DNAH14: variants seen among roughly 807,000 people sequenced by gnomAD.
DNAH14 encodes dynein axonemal heavy chain 14, also known as axonemal beta dynein heavy chain 14.
DNAH14 carries 478 observed loss-of-function variants against 520.9 expected under a neutral mutation model. The ratio of observed to expected loss-of-function variants is 0.92; its 90% CI spans 0.85 to 0.99. DNAH14 has a LOEUF of 0.99. DNAH14 is among the 50% of genes least tolerant of loss of function. The probability of loss-of-function intolerance (pLI) is 0.00; values close to 1 mark genes in which losing one functional copy is unlikely to be tolerated. For synonymous variants in DNAH14, 1,581 were observed against 1,757.2 expected (o/e 0.90, Z 2.51); for missense variants, 4,831 against 5,234.5 (o/e 0.92, Z 2.38).
intron 76 of DNAH14, among the ~76,000 whole-genome samples, chr1:225,366,013 C>G (rs528089317): frequency 5.3e-5 from 8 of 152,198 alleles, no homozygotes; most frequent in African/African-American, 1.9e-4. Flanking sequence ...AGAGCACCTA[C>G]ACATAAGTCA....
At chr1:225,358,845 A>G (rs2095461348) in intron 74 of DNAH14, among the ~76,000 whole-genome samples, 193 bp downstream of exon 74, 2 of 152,082 alleles carry the variant, frequency 1.3e-5, no homozygotes, top group Non-Finnish European at 1.5e-5. Context: ...AGATCTGATG[A>G]TTTTATAAGC....
chr1:225,308,667 A>G (rs1014238482), intron 60 of DNAH14, among the ~76,000 whole-genome samples: 8 of 152,236 alleles, frequency 5.3e-5, no homozygotes, highest in Non-Finnish European at 1.2e-4. Flanking sequence ...TCTGATTACA[A>G]TGAACAGAAA....
intron 46 of DNAH14, 84 bp from the exon 47 acceptor site, chr1:225,264,113 T>G: frequency 8.6e-7 from 1 of 1,158,678 alleles, no homozygotes; most frequent in South Asian, 1.5e-5. Context: ...AAATTCACAA[T>G]ATGCTGTTAC....
At chr1:224,983,062 C>G (rs1320265285) in intron 8 of DNAH14, among the ~76,000 whole-genome samples, 3 of 152,076 alleles carry the variant, frequency 2.0e-5, no homozygotes, top group African/African-American at 7.2e-5. Flanking sequence ...TTGAAGTCCC[C>G]CACTATTATT....
Position 225,015,536 on chromosome 1 carries a change from C to T in DNAH14, c.1107+7992C>T, listed in dbSNP as rs555550501. On this transcript the variant is annotated intron_variant, in intron 10 of 85. Transcript: ENST00000682510. ...TTTTCACTTCCAGCTTTAAGACTCT[C>T]CTGAGTATTTCTTGTAAGTCCATTC... 7.9e-5 allele frequency among the ~76,000 whole-genome samples: 12 copies of T among 152,206 alleles called. No individual in the cohort carries two copies. In the South Asian group the frequency reaches 1.5e-3, roughly 18 times the overall value.
At chr1:225,382,952 C>T (rs1429866121) in intron 81 of DNAH14, among the ~76,000 whole-genome samples, 2 of 152,118 alleles carry the variant, frequency 1.3e-5, no homozygotes, top group Non-Finnish European at 2.9e-5. Context: ...GGAAGGCCAT[C>T]ACAAAAGACC....
At chr1:224,999,493 C>T (rs1224142670) in intron 8 of DNAH14, among the ~76,000 whole-genome samples, 1 of 152,156 alleles carries the variant, frequency 6.6e-6, no homozygotes, top group Non-Finnish European at 1.5e-5. Context: ...GTGTGAGCCA[C>T]TGTTGCCTAG....
intron 11 of DNAH14, among the ~76,000 whole-genome samples, chr1:225,024,958 T>C (rs1382170898): frequency 6.6e-6 from 1 of 152,172 alleles, no homozygotes; most frequent in Admixed American, 6.6e-5. Context: ...CCTAAATGTT[T>C]TTCCATTGTT....
chr1:225,178,185 A>G (rs565325125), intron 36 of DNAH14, among the ~76,000 whole-genome samples: 46 of 152,270 alleles, frequency 3.0e-4, no homozygotes, highest in South Asian at 1.0e-3. Flanking sequence ...GTTTTGGCCA[A>G]TGTCTCCATT....
chr1:224,931,311 A>G (rs1381653662), intron 1 of DNAH14, among the ~76,000 whole-genome samples: 2 of 152,224 alleles, frequency 1.3e-5, no homozygotes, highest in African/African-American at 4.8e-5. Flanking sequence ...ATAAAGTAAA[A>G]AAGTTACAAG....
intron 38 of DNAH14, among the ~76,000 whole-genome samples, chr1:225,201,129 C>A (rs1372540191): frequency 6.6e-6 from 1 of 151,792 alleles, no homozygotes; most frequent in African/African-American, 2.4e-5. Flanking sequence ...GTCTGAAGTT[C>A]TCCCTTCTGC....
chr1:225,370,724 A>C (rs1256440983), intron 77 of DNAH14, among the ~76,000 whole-genome samples: 2 of 152,122 alleles, frequency 1.3e-5, no homozygotes, highest in Admixed American at 6.5e-5. Flanking sequence ...AAGCTAATAA[A>C]GGAATTCTTT....
intron 36 of DNAH14, among the ~76,000 whole-genome samples, chr1:225,170,390 A>G (rs1264739191): frequency 6.6e-6 from 1 of 152,186 alleles, no homozygotes; most frequent in African/African-American, 2.4e-5. Flanking sequence ...ACGTGCAGAG[A>G]CACACATAGG....
chr1:225,169,593 A>G (rs1415381724), intron 36 of DNAH14, among the ~76,000 whole-genome samples: 1 of 152,168 alleles, frequency 6.6e-6, no homozygotes, highest in Non-Finnish European at 1.5e-5. Flanking sequence ...AAAGAAATGA[A>G]CAAAGCCTCC....
Position 225,266,779 on chromosome 1 carries a change from ATAC to A in DNAH14, c.7539+13_7539+15del, listed in dbSNP as rs1303887846. The A allele has an allele frequency of 1.4e-6, 2 of 1,478,124 alleles. No individual in the cohort carries two copies. The highest frequency in any genetic ancestry group is 5.3e-5 in the East Asian group (2 of 37,516). 91.6% of individuals were successfully genotyped at this position (1,478,124 alleles called of 1,614,324 possible). On this transcript the variant is annotated intron_variant, in intron 49 of 85. Coordinates refer to ENST00000682510, the MANE Select transcript of DNAH14 (RefSeq NM_001367479.1). ...AAAAAATACATGGAAGGTACAGTATATACTAAGATTTTGTTCACATTAAGTATT... is the reference window on the plus strand; with the variant it reads ...AAAAAATACATGGAAGGTACAGTATATAAGATTTTGTTCACATTAAGTATT...
Position 225,240,864 on chromosome 1 carries a change from A to G in DNAH14, c.6748+42A>G. On this transcript the variant is annotated intron_variant, in intron 43 of 85. Coordinates refer to ENST00000682510, the MANE Select transcript of DNAH14 (RefSeq NM_001367479.1). ...AAATCATAACTATACTTATTTTAAA[A>G]TATTAATTTAAAGCAATGCTTGGCT... 4 of 1,328,462 alleles carry G rather than the reference A, an allele frequency of 3.0e-6. No individual in the cohort carries two copies. In the Admixed American group the frequency reaches 9.3e-5, roughly 31 times the overall value. 82.3% of individuals were successfully genotyped at this position (1,328,462 alleles called of 1,614,324 possible).
chr1:225,309,093 G>A (rs1218094800), intron 60 of DNAH14, among the ~76,000 whole-genome samples: 6 of 152,174 alleles, frequency 3.9e-5, no homozygotes, highest in Non-Finnish European at 8.8e-5. Flanking sequence ...AAATACCTAG[G>A]ACAAGGTTTA....
chr1:225,042,199 G>A (rs1008420604), intron 12 of DNAH14, among the ~76,000 whole-genome samples: 1 of 152,300 alleles, frequency 6.6e-6, no homozygotes, highest in South Asian at 2.1e-4. Flanking sequence ...ATCACCCTGA[G>A]AAACACAGAG....
intron 71 of DNAH14, among the ~76,000 whole-genome samples, chr1:225,347,561 A>G (rs1574950498): frequency 6.6e-6 from 1 of 152,150 alleles, no homozygotes; most frequent in East Asian, 1.9e-4. Context: ...CCTGACTCAG[A>G]ATATTGATAA....
Sources: gnomAD v4.1 joint callset for allele counts (sites outside exome capture counted in the v4.1 genomes callset) on GRCh38, gnomAD v4.1.1 for gene constraint, MANE v1.5 for transcripts, NCBI Gene and HGNC (gene_info 2026-07-23, HGNC 2026-07-21) for gene names.